Variants in RBFOX1 observed in about 807,000 individuals in gnomAD.
RBFOX1 encodes the protein RNA binding fox-1 homolog 1, also known as RNA binding protein fox-1 homolog 1.
In RBFOX1, 8 loss-of-function variants were observed where a neutral mutation model predicts 57.7. That is an observed-to-expected ratio of 0.14 (90% CI 0.08 to 0.25). The LOEUF is 0.25. RBFOX1 is among the 10% of genes least tolerant of loss of function. RBFOX1 has a pLI of 1.00. For missense variants in RBFOX1, 611 were observed against 548.5 expected, an observed-to-expected ratio of 1.11 and a Z score of -1.14; for synonymous variants, 326 against 222.4, an observed-to-expected ratio of 1.47 and a Z score of -4.15.
intron 2 of RBFOX1, among the ~76,000 whole-genome samples, chr16:5,516,846 C>G (rs28415146): frequency 0.25 from 38,727 of 152,088 alleles, 6,040 homozygotes; most frequent in African/African-American, 0.45. Flanking sequence ...GAGGCGCCTT[C>G]TGCCATGATT....
At chr16:6,239,911 T>C (rs2097531255) in intron 1 of RBFOX1, among the ~76,000 whole-genome samples, 1 of 152,170 alleles carries the variant, frequency 6.6e-6, no homozygotes, top group Non-Finnish European at 1.5e-5. Context: ...TCCCCGCCCA[T>C]ATCTCATGTT....
chr16:5,659,356 T>G (rs926689854), intron 3 of RBFOX1, among the ~76,000 whole-genome samples: 2 of 147,690 alleles, frequency 1.4e-5, no homozygotes, highest in Non-Finnish European at 3.0e-5. Context: ...CAGGCTGGAG[T>G]GCAGTGGCGC....
chr16:7,485,652 C>G (rs1441303138), intron 4 of RBFOX1, among the ~76,000 whole-genome samples: 1 of 152,202 alleles, frequency 6.6e-6, no homozygotes, highest in Non-Finnish European at 1.5e-5. Flanking sequence ...ATTGTTCTAT[C>G]TAAACATGTG....
At chr16:7,209,242 G>A (rs961959158) in intron 4 of RBFOX1, among the ~76,000 whole-genome samples, 1 of 151,928 alleles carries the variant, frequency 6.6e-6, no homozygotes, top group African/African-American at 2.4e-5. Flanking sequence ...GACTGAGGCA[G>A]GAGAATCACT....
chr16:6,843,402 G>A (rs561891738), intron 3 of RBFOX1, among the ~76,000 whole-genome samples: 1 of 152,130 alleles, frequency 6.6e-6, no homozygotes, highest in Non-Finnish European at 1.5e-5. Flanking sequence ...AGTTAATAAA[G>A]CTTTGGCCAG....
At chr16:5,742,849 C>T (rs1035052138) in intron 3 of RBFOX1, among the ~76,000 whole-genome samples, 1 of 152,176 alleles carries the variant, frequency 6.6e-6, no homozygotes, top group African/African-American at 2.4e-5. Flanking sequence ...TAAGAGCTAG[C>T]TTGAAGAACT....
intron 4 of RBFOX1, among the ~76,000 whole-genome samples, chr16:7,229,323 A>G (rs2093342143): frequency 6.6e-6 from 1 of 152,174 alleles, no homozygotes; most frequent in South Asian, 2.1e-4. Flanking sequence ...TTCCTTTAAA[A>G]ATGAAATGAA....
chr16:7,697,533 AATGC>A (rs903665863), intron 14 of RBFOX1, among the ~76,000 whole-genome samples: 2 of 152,152 alleles, frequency 1.3e-5, no homozygotes, highest in African/African-American at 4.8e-5. Flanking sequence ...GTATATGTAT[AATGC>A]ATGCATATGT....
chr16:6,539,691 G>A (rs545780166), intron 2 of RBFOX1, among the ~76,000 whole-genome samples: 13 of 152,072 alleles, frequency 8.5e-5, no homozygotes, highest in East Asian at 5.8e-4. Context: ...CCAGCTCCAC[G>A]GGAGGCTGAG....
intron 4 of RBFOX1, chr16:5,867,374 T>G: frequency 8.8e-7 from 1 of 1,132,760 alleles, no homozygotes; most frequent in Non-Finnish European, 1.1e-6. Flanking sequence ...AGAAGATAGT[T>G]TGAAGTGGGT....
chr16:6,470,119 A>G (rs1429126583), intron 2 of RBFOX1, among the ~76,000 whole-genome samples: 1 of 152,208 alleles, frequency 6.6e-6, no homozygotes, highest in Non-Finnish European at 1.5e-5. Context: ...TTCATTTAAA[A>G]TAGAGTATAT....
Position 7,648,327 on chromosome 16 carries a change from C to A in RBFOX1, c.758-5488C>A, listed in dbSNP as rs568005478. Among the ~76,000 whole-genome samples, 5 of 152,180 alleles carry A rather than the reference C, an allele frequency of 3.3e-5. No individual in the cohort carries two copies. In the South Asian group the frequency reaches 8.3e-4, roughly 25 times the overall value. ...CTCCTCTACCTCTCCTGGGTTCAAG[C>A]GATTCTCCTGCCTCAGCCTCCCAAG... On this transcript the variant is annotated intron_variant, in intron 11 of 15. Transcript: ENST00000550418.
At chr16:6,621,571 T>G (rs1304510142) in intron 2 of RBFOX1, among the ~76,000 whole-genome samples, 1 of 152,216 alleles carries the variant, frequency 6.6e-6, no homozygotes, top group Non-Finnish European at 1.5e-5. Flanking sequence ...AAGCCCCTTT[T>G]TTCCAAATAA....
intron 1 of RBFOX1, among the ~76,000 whole-genome samples, chr16:6,157,099 C>A (rs148117725): frequency 2.5e-4 from 38 of 151,682 alleles, no homozygotes; most frequent in African/African-American, 8.0e-4. Context: ...CCTCCCAAAG[C>A]GCTGGGATTA....
At chr16:7,245,618 G>A (rs556121765) in intron 4 of RBFOX1, among the ~76,000 whole-genome samples, 1 of 152,304 alleles carries the variant, frequency 6.6e-6, no homozygotes, top group African/African-American at 2.4e-5. Flanking sequence ...AACTTTTGGA[G>A]AGCTAGAGAA....
At chr16:5,407,874 C>G (rs969566621) in intron 1 of RBFOX1, among the ~76,000 whole-genome samples, 1 of 152,176 alleles carries the variant, frequency 6.6e-6, no homozygotes, top group African/African-American at 2.4e-5. Flanking sequence ...TAACCCAAGT[C>G]CCGTGGGAGG....
intron 3 of RBFOX1, among the ~76,000 whole-genome samples, chr16:6,673,641 G>C (rs1237515534): frequency 6.6e-6 from 1 of 152,152 alleles, no homozygotes; most frequent in Non-Finnish European, 1.5e-5. Context: ...ACAAAGTAAT[G>C]AAATATGGGG....
At chr16:6,593,757 G>T (rs983376083) in intron 2 of RBFOX1, among the ~76,000 whole-genome samples, 6 of 152,188 alleles carry the variant, frequency 3.9e-5, no homozygotes, top group African/African-American at 1.4e-4. Flanking sequence ...GAACAGAGAG[G>T]AGGAGAAACT....
chr16:6,574,800 A>C (rs1221951851), intron 2 of RBFOX1, among the ~76,000 whole-genome samples: 1 of 147,066 alleles, frequency 6.8e-6, no homozygotes, highest in Admixed American at 6.7e-5. Context: ...GCACTTAGGG[A>C]GGCCAAAGTG....
Sources: gnomAD v4.1 joint callset for allele counts (sites outside exome capture counted in the v4.1 genomes callset) on GRCh38, gnomAD v4.1.1 for gene constraint, MANE v1.5 for transcripts, NCBI Gene and HGNC (gene_info 2026-07-23, HGNC 2026-07-21) for gene names.